GSE1: variants seen among roughly 807,000 people sequenced by gnomAD.
GSE1 encodes the protein genetic suppressor element 1.
A neutral mutation model predicts 112.6 loss-of-function variants in GSE1; 32 were observed. The ratio of observed to expected loss-of-function variants is 0.28; its 90% CI spans 0.21 to 0.38. The LOEUF (loss-of-function observed/expected upper bound fraction) is 0.38, where lower values mean the gene tolerates loss of function less well. Ranked by LOEUF, GSE1 falls within the 10% of genes least tolerant of loss-of-function variation. The pLI is 1.00. For synonymous variants in GSE1, 1,115 were observed against 735.6 expected, an observed-to-expected ratio of 1.52 and a Z score of -8.35; for missense variants, 2,348 against 1,699.2, an observed-to-expected ratio of 1.38 and a Z score of -6.71.
chr16:85,573,026 C>T (rs559483255), intron 1 of GSE1, among the ~76,000 whole-genome samples: 2 of 152,330 alleles, frequency 1.3e-5, no homozygotes, highest in East Asian at 3.9e-4. Flanking sequence ...CACGCCACCA[C>T]ACCTAGCTAA....
chr16:85,625,679 C>T (rs1024822238), intron 1 of GSE1, among the ~76,000 whole-genome samples: 24 of 152,250 alleles, frequency 1.6e-4, no homozygotes, highest in African/African-American at 5.3e-4. Flanking sequence ...GGCCAGCCCC[C>T]TCCCCGTCAC....
intron 2 of GSE1, among the ~76,000 whole-genome samples, chr16:85,387,185 A>C (rs2047706051): frequency 6.6e-6 from 1 of 152,160 alleles, no homozygotes; most frequent in South Asian, 2.1e-4. Context: ...CACAACGGAC[A>C]CCGGGCCTAA....
chr16:85,651,321 C>T (rs909955831), intron 3 of GSE1, among the ~76,000 whole-genome samples: 2 of 151,950 alleles, frequency 1.3e-5, no homozygotes, highest in Non-Finnish European at 2.9e-5. Context: ...GGTGTCTGTG[C>T]CAGGGTTGGC....
chr16:85,632,458 C>G (rs886846520), intron 1 of GSE1, among the ~76,000 whole-genome samples: 1 of 152,150 alleles, frequency 6.6e-6, no homozygotes, highest in African/African-American at 2.4e-5. Context: ...GACTTGGCTC[C>G]CTGAATACAT....
At chr16:85,671,850 G>C (rs531006831) in intron 15 of GSE1, 22 of 158,222 alleles carry the variant, frequency 1.4e-4, no homozygotes, top group Admixed American at 2.4e-4. Context: ...GATGTCCTTG[G>C]GGGGCAGGGA....
intron 2 of GSE1, among the ~76,000 whole-genome samples, chr16:85,647,557 G>A (rs138849947): frequency 0.025 from 3,854 of 152,234 alleles, 81 homozygotes; most frequent in Non-Finnish European, 0.037. Flanking sequence ...CTGCATCCCT[G>A]CTTGGCTGGG....
intron 1 of GSE1, among the ~76,000 whole-genome samples, chr16:85,344,441 T>A (rs1488394349): frequency 6.6e-6 from 1 of 152,206 alleles, no homozygotes; most frequent in East Asian, 1.9e-4. Flanking sequence ...AGCCCTTGTT[T>A]CGGGGCTGAG....
At chr16:85,607,733 C>G (rs950987529), upstream of GSE1, among the ~76,000 whole-genome samples, 2 of 152,218 alleles carry the variant, frequency 1.3e-5, no homozygotes, top group South Asian at 2.1e-4. Flanking sequence ...CTGCTTTCCC[C>G]TCTCTCCCTC....
chr16:85,398,075 T>C (rs1389093135), intron 2 of GSE1, among the ~76,000 whole-genome samples: 2 of 152,148 alleles, frequency 1.3e-5, no homozygotes, highest in Non-Finnish European at 2.9e-5. Flanking sequence ...AGACGCACCT[T>C]GGTATTCTGG....
rs983202473 is a variant in GSE1 at position 85,658,214 on chromosome 16, C to G, written c.1640+610C>G. Among the ~76,000 whole-genome samples the G allele has an allele frequency of 3.3e-5, 5 of 152,160 alleles. No individual in the cohort carries two copies. The South Asian group carries it at 6.2e-4, about 19-fold the overall frequency. On this transcript the variant is annotated intron_variant, in intron 8 of 15. Coordinates refer to ENST00000253458, the MANE Select transcript of GSE1 (RefSeq NM_014615.5). ...CCCCTGCCTGCCCTGGGATTCCTGCCTTGGGGCTGTGCTGGTCCCAGGCCC... is the reference window on the plus strand; with the variant it reads ...CCCCTGCCTGCCCTGGGATTCCTGCGTTGGGGCTGTGCTGGTCCCAGGCCC...
chr16:85,225,502 A>T (rs1292641891), intron 1 of GSE1, among the ~76,000 whole-genome samples: 1 of 152,026 alleles, frequency 6.6e-6, no homozygotes, highest in African/African-American at 2.4e-5. Context: ...CTTAGCTCAC[A>T]CTCCGTGAGA....
chr16:85,338,085 G>A (rs188731262), intron 1 of GSE1, among the ~76,000 whole-genome samples: 1 of 152,330 alleles, frequency 6.6e-6, no homozygotes, highest in African/African-American at 2.4e-5. Flanking sequence ...TGCTGGCCCT[G>A]CTCGTCCTGC....
intron 2 of GSE1, among the ~76,000 whole-genome samples, chr16:85,420,833 C>T (rs915751247): frequency 6.6e-6 from 1 of 152,256 alleles, no homozygotes; most frequent in Admixed American, 6.5e-5. Flanking sequence ...GGCACCCGGC[C>T]GCAGCCTGGA....
intron 2 of GSE1, among the ~76,000 whole-genome samples, chr16:85,447,392 C>T (rs1219323190): frequency 2.0e-5 from 3 of 152,166 alleles, no homozygotes; most frequent in African/African-American, 7.2e-5. Flanking sequence ...CCAGATTCAC[C>T]ACTTGACCTT....
At chr16:85,544,870 G>A (rs1598126106) in intron 2 of GSE1, among the ~76,000 whole-genome samples, 2 of 152,366 alleles carry the variant, frequency 1.3e-5, no homozygotes, top group Admixed American at 6.5e-5. Flanking sequence ...CCAGGCAGCA[G>A]AACAGGACCG....
chr16:85,462,151 A>C (rs2049985925), intron 2 of GSE1, among the ~76,000 whole-genome samples: 1 of 152,006 alleles, frequency 6.6e-6, no homozygotes, highest in Admixed American at 6.6e-5. Flanking sequence ...CCCAGCACCC[A>C]GTCTCGGGTC....
In GSE1 at chr16:85,171,613, C is replaced by T. The variant is rs556578317; in HGVS notation, c.2089C>T (p.Leu697=). ...GCAGGAGAAGAAACGGTGTCTGGGG[C>T]TGAAGTCCGTGCGGGTGGCCCGGCT... Residue 697 remains leucine, a synonymous_variant, in exon 1 of 3, where the codon CTG becomes TTG. Coordinates refer to the GSE1 transcript ENST00000637419. 18 of 985,584 alleles carry T rather than the reference C, an allele frequency of 1.8e-5. No homozygotes were observed. The South Asian group carries it at 4.2e-4, about 23-fold the overall frequency. 61.1% of individuals were successfully genotyped at this position (985,584 alleles called of 1,614,324 possible). A position where few individuals can be genotyped will look rare whatever the true frequency, so the allele number is the denominator to read the frequency against.
chr16:85,608,818 C>T (rs2047832455), upstream of GSE1, among the ~76,000 whole-genome samples: 2 of 152,200 alleles, frequency 1.3e-5, no homozygotes, highest in African/African-American at 2.4e-5. Context: ...GGCCCACGGA[C>T]ATCCAGGTCC....
intron 1 of GSE1, among the ~76,000 whole-genome samples, chr16:85,340,249 C>T (rs960146699): frequency 2.6e-5 from 4 of 152,138 alleles, no homozygotes; most frequent in African/African-American, 9.7e-5. Context: ...ACCTGGGAGG[C>T]TGAGACAGGA....
Sources: allele counts gnomAD v4.1 joint callset (sites outside exome capture counted in the v4.1 genomes callset), GRCh38; gene constraint gnomAD v4.1.1; transcripts MANE v1.5; gene names NCBI Gene and HGNC (gene_info 2026-07-23, HGNC 2026-07-21).